BBX: variants seen among roughly 807,000 people sequenced by gnomAD.
BBX encodes the protein HMG box transcription factor BBX.
Under a neutral mutation model 100.2 loss-of-function variants are expected in BBX, and 30 were observed. The observed-to-expected ratio is 0.30, with a 90% CI of 0.22 to 0.41. BBX has a LOEUF of 0.41. Among genes scored for constraint, BBX ranks in the 10% least tolerant of loss-of-function variants. The pLI, the probability that BBX is intolerant of heterozygous loss-of-function variation, is 1.00. For missense variants in BBX, 1,023 were observed against 1,129.8 expected (o/e 0.91, Z 1.35); for synonymous variants, 376 against 388.1 (o/e 0.97, Z 0.37).
chr3:107,739,359 A>G (rs1465610018), intron 7 of BBX, among the ~76,000 whole-genome samples: 3 of 152,302 alleles, frequency 2.0e-5, no homozygotes, highest in East Asian at 3.9e-4. Flanking sequence ...TTTAAATTCT[A>G]CACTGAAAAG....
In BBX at chr3:107,716,605, A is replaced by AG; in HGVS notation, c.163dup. On this transcript the variant is annotated splice_acceptor_variant, in intron 4 of 17. Coordinates refer to ENST00000325805, the MANE Select transcript of BBX (RefSeq NM_001142568.3). LOFTEE classifies it high-confidence loss of function. ...ATCTGGCTTTGTTTTTGGTGGTAAT[A>AG]GGTTCAACTTCTTGGGGCCGATGGC... is the stretch of plus-strand genomic sequence containing the variant. 7 of 1,612,408 alleles carry AG rather than the reference A, an allele frequency of 4.3e-6. No homozygotes were observed. The highest frequency in any genetic ancestry group is 5.9e-6 in the Non-Finnish European group (7 of 1,178,650).
At chr3:107,525,028 A>G (rs1193973310) in intron 1 of BBX, among the ~76,000 whole-genome samples, 1 of 149,796 alleles carries the variant, frequency 6.7e-6, no homozygotes, top group East Asian at 2.0e-4. Context: ...GTTCTTCGCC[A>G]TCTCCTGGGG....
At chr3:107,763,009 C>A (rs1302333873) in intron 10 of BBX, among the ~76,000 whole-genome samples, 1 of 152,082 alleles carries the variant, frequency 6.6e-6, no homozygotes, top group East Asian at 1.9e-4. Context: ...ATAACATTAC[C>A]TTCAGACTAT....
At chr3:107,721,033 A>C (rs2107431116) in intron 5 of BBX, among the ~76,000 whole-genome samples, 1 of 152,236 alleles carries the variant, frequency 6.6e-6, no homozygotes, top group East Asian at 1.9e-4. Context: ...CTACTATTAG[A>C]GTAGCACCTC....
In BBX at chr3:107,806,014, G is replaced by A. The variant is rs1034112961; in HGVS notation, c.*557G>A. ...AGCCTGTTCCAGAGACTCCCAAGCA[G>A]CCTGGGCAGGCAGATGTACCATTGT... is the stretch of plus-strand genomic sequence containing the variant. On this transcript the variant is annotated 3_prime_UTR_variant, in exon 18 of 18. Coordinates refer to ENST00000325805, the MANE Select transcript of BBX (RefSeq NM_001142568.3). 10 of 151,940 alleles carry A rather than the reference G, an allele frequency of 6.6e-5. No individual in the cohort carries two copies. The highest frequency in any genetic ancestry group is 2.4e-4 in the African/African-American group (10 of 41,302). 9.4% of individuals were successfully genotyped at this position (151,940 alleles called of 1,614,324 possible). A position where few individuals can be genotyped will look rare whatever the true frequency, so the allele number is the denominator to read the frequency against.
At position 107,646,766 on chromosome 3, in the gene BBX, T is replaced by C. The variant is rs931409789; in HGVS notation, c.-10+857T>C. On this transcript the variant is annotated intron_variant, in intron 3 of 17. Transcript: ENST00000325805. ...GGAAAGGAACTTATTCTTTAACTTTTTAATTAAGATTAATCCAAAACCTTT... is the reference window on the plus strand; with the variant it reads ...GGAAAGGAACTTATTCTTTAACTTTCTAATTAAGATTAATCCAAAACCTTT... Among the ~76,000 whole-genome samples, 8 of 152,154 alleles carry C rather than the reference T, an allele frequency of 5.3e-5. 1 individual carries two copies. Among genetic ancestry groups the C allele is most frequent in the Admixed American group, 2.0e-4 (3 of 15,268 alleles).
At chr3:107,560,093 C>G (rs1268866339) in intron 2 of BBX, among the ~76,000 whole-genome samples, 1 of 151,878 alleles carries the variant, frequency 6.6e-6, no homozygotes, top group Non-Finnish European at 1.5e-5. Flanking sequence ...TTTTCCTCGT[C>G]GACTCACATG....
At chr3:107,664,857 A>G (rs1245413539) in intron 3 of BBX, among the ~76,000 whole-genome samples, 1 of 152,190 alleles carries the variant, frequency 6.6e-6, no homozygotes, top group Non-Finnish European at 1.5e-5. Flanking sequence ...TGATCAACCC[A>G]TCTTTTGTTC....
intron 7 of BBX, among the ~76,000 whole-genome samples, chr3:107,736,017 C>T (rs114359902): frequency 0.011 from 1,733 of 150,940 alleles, 26 homozygotes; most frequent in African/African-American, 0.039. Flanking sequence ...TTTTTTATAC[C>T]CAGAGTACAT....
intron 2 of BBX, among the ~76,000 whole-genome samples, chr3:107,561,789 TAA>T (rs1284244229): frequency 6.6e-6 from 1 of 152,202 alleles, no homozygotes; most frequent in African/African-American, 2.4e-5. Flanking sequence ...AAGAAATTTT[TAA>T]AAGTCTGAAG....
chr3:107,682,393 C>A lies in BBX; in HGVS notation c.-9-28059C>A, dbSNP rs568551085. On this transcript the variant is annotated intron_variant, in intron 3 of 17. Coordinates refer to ENST00000325805, the MANE Select transcript of BBX (RefSeq NM_001142568.3). ...GTATGCTTCTATTAAGTGTGGAAGA[C>A]AAACCTGCAAACAATAAAACCCCTG... Among the ~76,000 whole-genome samples the A allele has an allele frequency of 3.2e-4, 49 of 152,208 alleles. No homozygotes were observed. The South Asian group carries it at 5.0e-3, about 15-fold the overall frequency.
intron 3 of BBX, among the ~76,000 whole-genome samples, chr3:107,697,585 C>T (rs886570116): frequency 1.3e-5 from 2 of 151,878 alleles, no homozygotes; most frequent in African/African-American, 2.4e-5. Flanking sequence ...CTGGGAGAAC[C>T]GCTGCTCTCT....
chr3:107,562,875 G>C (rs1464730608), intron 2 of BBX, among the ~76,000 whole-genome samples: 2 of 152,156 alleles, frequency 1.3e-5, no homozygotes, highest in Admixed American at 1.3e-4. Flanking sequence ...TCAAAGTACT[G>C]ATATTTGAGA....
rs139328082 is a variant in BBX at position 107,626,841 on chromosome 3, G to A, written c.-83-18995G>A. Among the ~76,000 whole-genome samples, 53 of 152,104 alleles carry A rather than the reference G, an allele frequency of 3.5e-4. 2 individuals are homozygous for A. The East Asian group carries it at 5.8e-3, about 17-fold the overall frequency. The stretch of plus-strand genomic sequence containing the variant: ...GACTAATTTTTGTATTTTTAGTAGA[G>A]ATGGGGTTTCATCAAATTTGCCAGG... On this transcript the variant is annotated intron_variant, in intron 2 of 17. Coordinates refer to ENST00000325805, the MANE Select transcript of BBX (RefSeq NM_001142568.3).
intron 2 of BBX, among the ~76,000 whole-genome samples, chr3:107,564,888 G>A (rs1241029020): frequency 6.6e-6 from 1 of 152,022 alleles, no homozygotes; most frequent in African/African-American, 2.4e-5. Context: ...GTTGCATTTG[G>A]ATTTTTATCT....
intron 2 of BBX, among the ~76,000 whole-genome samples, chr3:107,575,019 A>C (rs1158289474): frequency 2.6e-5 from 4 of 152,194 alleles, no homozygotes; most frequent in African/African-American, 9.7e-5. Flanking sequence ...GAATCACATA[A>C]ACCCACAAAA....
At chr3:107,801,627 C>G (rs950175009) in intron 17 of BBX, among the ~76,000 whole-genome samples, 24 of 152,100 alleles carry the variant, frequency 1.6e-4, no homozygotes, top group African/African-American at 5.8e-4. Context: ...ACCGAAAGAT[C>G]TTGACCAAGA....
chr3:107,713,957 T>A (rs1202210503), intron 4 of BBX, among the ~76,000 whole-genome samples: 5 of 146,152 alleles, frequency 3.4e-5, no homozygotes, highest in South Asian at 2.2e-4. Context: ...ATTTTTTTAA[T>A]AATTTTTTTC....
intron 2 of BBX, among the ~76,000 whole-genome samples, chr3:107,558,931 T>C (rs1472506863): frequency 6.6e-6 from 1 of 152,184 alleles, no homozygotes; most frequent in African/African-American, 2.4e-5. Flanking sequence ...GAAATTATCA[T>C]GGAAGAGATG....
Sources: allele counts gnomAD v4.1 joint callset (sites outside exome capture counted in the v4.1 genomes callset), GRCh38; gene constraint gnomAD v4.1.1; transcripts MANE v1.5; gene names NCBI Gene and HGNC (gene_info 2026-07-23, HGNC 2026-07-21).